Variants in DOCK2 observed in about 807,000 individuals in gnomAD.
The protein encoded by DOCK2 is dedicator of cytokinesis 2.
DOCK2 carries 87 observed loss-of-function variants against 248.9 expected under a neutral mutation model. The ratio of observed to expected loss-of-function variants is 0.35; its 90% CI spans 0.29 to 0.42. The LOEUF is 0.42. DOCK2 is among the 10% of genes least tolerant of loss of function. The pLI is 1.00. For missense variants in DOCK2, 1,747 were observed against 2,300.2 expected, an observed-to-expected ratio of 0.76 and a Z score of 4.92; for synonymous variants, 805 against 821.6, an observed-to-expected ratio of 0.98 and a Z score of 0.35.
intron 5 of DOCK2, among the ~76,000 whole-genome samples, chr5:169,671,788 G>A (rs1759061410): frequency 6.6e-6 from 1 of 152,130 alleles, no homozygotes; most frequent in African/African-American, 2.4e-5. Context: ...TTATGGCACC[G>A]TGGACACCTG....
chr5:169,661,838 C>A (rs1212764217), intron 2 of DOCK2, among the ~76,000 whole-genome samples: 1 of 152,156 alleles, frequency 6.6e-6, no homozygotes, highest in Non-Finnish European at 1.5e-5. Flanking sequence ...ATGTATATTA[C>A]AGTTTCTTTA....
intron 15 of DOCK2, among the ~76,000 whole-genome samples, chr5:169,709,652 C>A (rs1761469285): frequency 6.6e-6 from 1 of 152,000 alleles, no homozygotes; most frequent in South Asian, 2.1e-4. Flanking sequence ...ACCTGGGAGG[C>A]GGAGGTTGCA....
At chr5:170,008,225 C>CA (rs60090712) in intron 30 of DOCK2, among the ~76,000 whole-genome samples, 45 of 113,944 alleles carry the variant, frequency 3.9e-4, no homozygotes, top group South Asian at 3.7e-3. Flanking sequence ...ACAACAACAA[C>CA]AAAAAAAAAA....
intron 37 of DOCK2, among the ~76,000 whole-genome samples, chr5:170,041,555 C>T (rs957279393): frequency 6.6e-6 from 1 of 152,136 alleles, no homozygotes; most frequent in Non-Finnish European, 1.5e-5. Flanking sequence ...CTACAAACAA[C>T]ACACAGAGAG....
intron 29 of DOCK2, among the ~76,000 whole-genome samples, chr5:169,986,426 G>A (rs1778071309): frequency 6.6e-6 from 1 of 152,096 alleles, no homozygotes; most frequent in Non-Finnish European, 1.5e-5. Context: ...TGTGCATTTG[G>A]TGTGTCTATG....
chr5:169,962,254 T>C (rs367630583), intron 27 of DOCK2, among the ~76,000 whole-genome samples: 12 of 152,072 alleles, frequency 7.9e-5, no homozygotes, highest in African/African-American at 2.9e-4. Context: ...GGAGACATCG[T>C]GGTGGACTGA....
chr5:170,059,661 A>G (rs1757259502), intron 44 of DOCK2, among the ~76,000 whole-genome samples: 1 of 152,220 alleles, frequency 6.6e-6, no homozygotes, highest in Non-Finnish European at 1.5e-5. Flanking sequence ...TATTTTGTCT[A>G]TTTTATTTTC....
chr5:169,776,161 A>T (rs1025156207), intron 25 of DOCK2, among the ~76,000 whole-genome samples: 1 of 144,248 alleles, frequency 6.9e-6, no homozygotes, highest in African/African-American at 2.6e-5. Flanking sequence ...ATATAAATAT[A>T]TATATTTATA....
chr5:169,718,031 C>A (rs1390228405), intron 21 of DOCK2, among the ~76,000 whole-genome samples: 2 of 151,908 alleles, frequency 1.3e-5, no homozygotes, highest in Non-Finnish European at 2.9e-5. Flanking sequence ...CACTGCACTC[C>A]AGCCTGGGTG....
chr5:170,079,960 C>A, intron 49 of DOCK2: 1 of 695,462 alleles, frequency 1.4e-6, no homozygotes, highest in Non-Finnish European at 2.2e-6. Context: ...GCCACCCCCG[C>A]CTGTAGTTGT....
intron 27 of DOCK2, among the ~76,000 whole-genome samples, chr5:169,898,858 C>T (rs142211117): frequency 0.011 from 1,741 of 152,108 alleles, 43 homozygotes; most frequent in African/African-American, 0.037. Context: ...AGTTTGCTGC[C>T]GTTGTGTAAA....
At chr5:169,669,260 G>A in intron 2 of DOCK2, 28 bp from the exon 3 acceptor site, 2 of 1,612,568 alleles carry the variant, frequency 1.2e-6, no homozygotes, top group Non-Finnish European at 1.7e-6. Flanking sequence ...ATAAATGAGG[G>A]AACTGTTTCT....
At chr5:169,866,886 G>C (rs1255057244) in intron 27 of DOCK2, among the ~76,000 whole-genome samples, 1 of 152,190 alleles carries the variant, frequency 6.6e-6, no homozygotes, top group Non-Finnish European at 1.5e-5. Flanking sequence ...GCCACCAGTT[G>C]GGTGTCTTCC....
chr5:169,926,559 T>A (rs1775471937), intron 27 of DOCK2, among the ~76,000 whole-genome samples: 1 of 152,010 alleles, frequency 6.6e-6, no homozygotes, highest in African/African-American at 2.4e-5. Flanking sequence ...GGCTGGAAGG[T>A]GGGGGCAGTG....
At chr5:169,957,173 T>C (rs1373868279) in intron 27 of DOCK2, among the ~76,000 whole-genome samples, 7 of 152,216 alleles carry the variant, frequency 4.6e-5, no homozygotes, top group African/African-American at 7.2e-5. Flanking sequence ...TGGTATGGAA[T>C]GGGTACTCAA....
intron 27 of DOCK2, among the ~76,000 whole-genome samples, chr5:169,844,838 A>G (rs2113349617): frequency 6.6e-6 from 1 of 152,122 alleles, no homozygotes; most frequent in South Asian, 2.1e-4. Flanking sequence ...AAATGGAGTA[A>G]TAATAGATCT....
At chr5:169,794,441 CTT>C (rs1182759366) in intron 25 of DOCK2, among the ~76,000 whole-genome samples, 1 of 152,088 alleles carries the variant, frequency 6.6e-6, no homozygotes, top group Admixed American at 6.6e-5. Flanking sequence ...CACTTTAGCA[CTT>C]TACTAGAATA....
chr5:169,876,095 A>T (rs529022423), intron 27 of DOCK2, among the ~76,000 whole-genome samples: 7 of 152,216 alleles, frequency 4.6e-5, no homozygotes, highest in Non-Finnish European at 8.8e-5. Flanking sequence ...CTGGCTTGTG[A>T]CCACGGCACT....
chr5:169,801,157 T>G (rs868240802), intron 25 of DOCK2, among the ~76,000 whole-genome samples: 4 of 117,962 alleles, frequency 3.4e-5, no homozygotes, highest in Admixed American at 8.6e-5. Flanking sequence ...TTTTTTTTTT[T>G]TTTTTTTTTT....
Sources: gnomAD v4.1 joint callset for allele counts (sites outside exome capture counted in the v4.1 genomes callset) on GRCh38, gnomAD v4.1.1 for gene constraint, MANE v1.5 for transcripts, NCBI Gene and HGNC (gene_info 2026-07-23, HGNC 2026-07-21) for gene names.